RFX1: variants seen among roughly 807,000 people sequenced by gnomAD.
The protein encoded by RFX1 is MHC class II regulatory factor RFX1.
In RFX1, 42 loss-of-function variants were observed where a neutral mutation model predicts 119.6. The ratio of observed to expected loss-of-function variants is 0.35; its 90% CI spans 0.27 to 0.45. The LOEUF (loss-of-function observed/expected upper bound fraction) is 0.45, where lower values mean the gene tolerates loss of function less well. Among genes scored for constraint, RFX1 ranks in the 20% least tolerant of loss-of-function variants. The pLI, the probability that RFX1 is intolerant of heterozygous loss-of-function variation, is 1.00. For synonymous variants in RFX1, 628 were observed against 618.5 expected, an observed-to-expected ratio of 1.02 and a Z score of -0.23; for missense variants, 1,118 against 1,368.1, an observed-to-expected ratio of 0.82 and a Z score of 2.88.
chr19:13,974,383 G>C (rs922512974), intron 8 of RFX1, among the ~76,000 whole-genome samples: 7 of 152,190 alleles, frequency 4.6e-5, no homozygotes, highest in Admixed American at 3.9e-4. Context: ...CGGTGACACA[G>C]GCTTGAGGCT....
Position 13,963,206 on chromosome 19 carries a change from C to G in RFX1, c.2640G>C (p.Leu880=). The G allele has an allele frequency of 6.2e-7, 1 of 1,612,838 alleles. No individual in the cohort carries two copies. The highest frequency in any genetic ancestry group is 8.5e-7 in the Non-Finnish European group (1 of 1,179,480). The part of the protein sequence containing the change: ...ASFGSFHLIR[L]LYDEYMYYLI... ...GGTAGTACATGTACTCGTCGTAGAGCAGCCGGATGAGGTGGAAGGAACCGA... is the reference window on the plus strand; with the variant it reads ...GGTAGTACATGTACTCGTCGTAGAGGAGCCGGATGAGGTGGAAGGAACCGA... Residue 880 remains leucine (L), a synonymous_variant, in exon 19 of 21, where the codon CTG becomes CTC. Coordinates refer to ENST00000254325, the MANE Select transcript of RFX1 (RefSeq NM_002918.5).
chr19:13,975,451 G>C (rs1359680060), intron 8 of RFX1, among the ~76,000 whole-genome samples: 2 of 152,144 alleles, frequency 1.3e-5, no homozygotes, highest in Non-Finnish European at 2.9e-5. Flanking sequence ...GCAGGGGAGG[G>C]AGCCGCACAG....
intron 5 of RFX1, 28 bp downstream of exon 5, chr19:13,982,093 G>T (rs1599496422): frequency 6.0e-6 from 7 of 1,173,880 alleles, no homozygotes; most frequent in Non-Finnish European, 7.8e-6. Flanking sequence ...CAGCAGGGGG[G>T]AGGGCGGCCA....
chr19:13,965,102 G>T lies in RFX1; in HGVS notation c.2211+347C>A, dbSNP rs1568457515. The stretch of plus-strand genomic sequence containing the variant: ...ATTATGTTTCCTTATAGATGTTGTT[G>T]CCTTTCTTAAAAAGTTTTATCTGTT... On this transcript the variant is annotated intron_variant, in intron 16 of 20. Transcript: ENST00000254325. This position sits in a 1 kb window ranked among gnomAD's most constrained non-coding sequence, Gnocchi z 4.7. 6.6e-6 allele frequency among the ~76,000 whole-genome samples: 1 copy of T among 152,188 alleles called. No homozygotes were observed. The highest frequency in any genetic ancestry group is 1.5e-5 in the Non-Finnish European group (1 of 68,032).
At position 13,969,933 on chromosome 19, in the gene RFX1, G is replaced by A. The variant is rs977296330; in HGVS notation, c.1496+61C>T. 3.3e-6 allele frequency: 5 copies of A among 1,511,416 alleles called. No homozygotes were observed. In the African/African-American group the frequency reaches 6.9e-5, roughly 21 times the overall value. The allele number at this position is 1,511,416 out of a possible 1,614,324, so 93.6% of individuals were successfully genotyped here. On this transcript the variant is annotated intron_variant, in intron 10 of 20. Coordinates refer to ENST00000254325, the MANE Select transcript of RFX1 (RefSeq NM_002918.5). This position sits in a 1 kb window ranked among gnomAD's most constrained non-coding sequence, Gnocchi z 4.5. ...CTGCCTGAGATGACTCGGAGTGGGG[G>A]TGGGCCTTGGCATGCCCACCAATTC...
At chr19:13,994,671 C>T (rs1025312333) in intron 1 of RFX1, among the ~76,000 whole-genome samples, 1 of 150,566 alleles carries the variant, frequency 6.6e-6, no homozygotes, top group African/African-American at 2.4e-5. Flanking sequence ...GCCAAGATTG[C>T]ACCACTGTAC....
chr19:13,965,269 G>A lies in RFX1; in HGVS notation c.2211+180C>T, dbSNP rs2145534190. 6.6e-6 allele frequency among the ~76,000 whole-genome samples: 1 copy of A among 152,300 alleles called. No homozygotes were observed. Among genetic ancestry groups the A allele is most frequent in the Admixed American group, 6.5e-5 (1 of 15,300 alleles). Reference sequence around the variant, plus strand: ...TTGCATTTCAGAAGTGGGTGCCTGAGGACACTGGTTTATAAAGACAATGCC... The same window carrying A: ...TTGCATTTCAGAAGTGGGTGCCTGAAGACACTGGTTTATAAAGACAATGCC... On this transcript the variant is annotated intron_variant, in intron 16 of 20. Coordinates refer to ENST00000254325, the MANE Select transcript of RFX1 (RefSeq NM_002918.5). This position sits in a 1 kb window ranked among gnomAD's most constrained non-coding sequence, Gnocchi z 4.7.
chr19:13,980,731 T>TGCATCCTCTCTGGGGTGGACTC lies in RFX1; in HGVS notation c.622-43_622-42insGAGTCCACCCCAGAGAGGATGC. 1 of 1,201,554 alleles carries TGCATCCTCTCTGGGGTGGACTC rather than the reference T, an allele frequency of 8.3e-7. No homozygotes were observed. Among genetic ancestry groups the TGCATCCTCTCTGGGGTGGACTC allele is most frequent in the Non-Finnish European group, 1.2e-6 (1 of 842,376 alleles). 74.4% of individuals were successfully genotyped at this position (1,201,554 alleles called of 1,614,324 possible). A position where few individuals can be genotyped will look rare whatever the true frequency, so the allele number is the denominator to read the frequency against. On this transcript the variant is annotated intron_variant, in intron 5 of 20. Transcript: ENST00000254325. This position sits in a 1 kb window ranked among gnomAD's most constrained non-coding sequence, Gnocchi z 5.1. ...CACAGGAGTGCCGCTGGGGTGGGCTTGCATCCTCTCTGAGGTGGGCTCACA... is the reference window on the plus strand; with the variant it reads ...CACAGGAGTGCCGCTGGGGTGGGCTTGCATCCTCTCTGGGGTGGACTCGCATCCTCTCTGAGGTGGGCTCACA...
Position 13,980,538 on chromosome 19 carries a change from C to A in RFX1, c.738+35G>T. On this transcript the variant is annotated intron_variant, in intron 6 of 20. Transcript: ENST00000254325. The surrounding 1 kb of genome is among the most constrained non-coding windows in gnomAD (Gnocchi z 5.1). Reference sequence around the variant, plus strand: ...CTGCAGAGGCTGCCTGGCCGGTACCCCTGGACCGAGCCACTGCCCGCCTTG... The same window carrying A: ...CTGCAGAGGCTGCCTGGCCGGTACCACTGGACCGAGCCACTGCCCGCCTTG... 2 of 1,386,212 alleles carry A rather than the reference C, an allele frequency of 1.4e-6. No individual in the cohort carries two copies. Among genetic ancestry groups the A allele is most frequent in the East Asian group, 2.5e-5 (1 of 40,754 alleles). The allele number at this position is 1,386,212 out of a possible 1,614,324, so 85.9% of individuals were successfully genotyped here.
intron 1 of RFX1, among the ~76,000 whole-genome samples, chr19:13,999,023 T>C (rs1435388306): frequency 6.6e-6 from 1 of 152,174 alleles, no homozygotes; most frequent in Non-Finnish European, 1.5e-5. Context: ...CCAACTTCTC[T>C]ATTGGAGGCC....
Position 13,983,670 on chromosome 19 carries a change from G to A in RFX1, c.320-75C>T, listed in dbSNP as rs1974510115. Reference sequence around the variant, plus strand: ...GCCTAAGCCTGAGCCCCCCTGGAGGGGAAGATGCAGCCTGAAGCCAACCCC... The same window carrying A: ...GCCTAAGCCTGAGCCCCCCTGGAGGAGAAGATGCAGCCTGAAGCCAACCCC... On this transcript the variant is annotated intron_variant, in intron 2 of 20. Transcript: ENST00000254325. 3.1e-6 allele frequency: 4 copies of A among 1,282,378 alleles called. No homozygotes were observed. The Admixed American group carries it at 6.2e-5, about 20-fold the overall frequency. 79.4% of individuals were successfully genotyped at this position (1,282,378 alleles called of 1,614,324 possible).
intron 5 of RFX1, 55 bp downstream of exon 5, chr19:13,982,066 T>C (rs908406796): frequency 2.4e-5 from 22 of 916,450 alleles, no homozygotes; most frequent in Admixed American, 6.9e-5. Flanking sequence ...TGGGGATACA[T>C]TGCTGACCTC....
rs560290860 is a variant in RFX1 at position 13,986,121 on chromosome 19, G to A, written c.320-2526C>T. Among the ~76,000 whole-genome samples the A allele has an allele frequency of 4.6e-5, 7 of 152,292 alleles. No individual in the cohort carries two copies. Among genetic ancestry groups the A allele is most frequent in the African/African-American group, 1.4e-4 (6 of 41,566 alleles). On this transcript the variant is annotated intron_variant, in intron 2 of 20. Transcript: ENST00000254325. The surrounding 1 kb of genome is among the most constrained non-coding windows in gnomAD (Gnocchi z 4.2). ...CCTGGGAGAAACCCGAGACAGCCCC[G>A]AGTCATGTGACCGGCACTGCACACC...
chr19:13,968,807 G>A lies in RFX1; in HGVS notation c.1584C>T (p.Ala528=), dbSNP rs1019515286. 2 of 1,572,580 alleles carry A rather than the reference G, an allele frequency of 1.3e-6. No homozygotes were observed. Among genetic ancestry groups the A allele is most frequent in the African/African-American group, 2.7e-5 (2 of 74,044 alleles). Residue 528 remains alanine (A), a synonymous_variant, in exon 11 of 21, where the codon GCC becomes GCT. Transcript: ENST00000254325. The surrounding 1 kb of genome is among the most constrained non-coding windows in gnomAD (Gnocchi z 5.5). ...LRLMEDQQHM[A]MRGQPFSQKQ... ...TCTGCGAGAAGGGCTGGCCCCGCAT[G>A]GCCATGTGCTGCTGGTCCTCCATCA...
chr19:13,973,691 C>G (rs952840047), intron 8 of RFX1, among the ~76,000 whole-genome samples: 7 of 152,222 alleles, frequency 4.6e-5, no homozygotes, highest in Non-Finnish European at 8.8e-5. Context: ...AGTGCAGTGT[C>G]GCAATCTTGG....
chr19:13,968,867 G>A lies in RFX1; in HGVS notation c.1524C>T (p.Gly508=). 6.4e-7 allele frequency: 1 copy of A among 1,551,222 alleles called. No individual in the cohort carries two copies. Among genetic ancestry groups the A allele is most frequent in the Non-Finnish European group, 8.7e-7 (1 of 1,147,284 alleles). ...GGGGTGAGCTGGCCTTGATGCGCAG[G>A]CCATAGTAGTGGTACTTGGAGTTGC... ...TRGNSKYHYY[G]LRIKASSPLL... The change falls in exon 11 of 21, where the codon GGC becomes GGT. Residue 508 remains glycine, a synonymous_variant. Coordinates refer to ENST00000254325, the MANE Select transcript of RFX1 (RefSeq NM_002918.5). The surrounding 1 kb of genome is among the most constrained non-coding windows in gnomAD (Gnocchi z 5.5).
intron 1 of RFX1, among the ~76,000 whole-genome samples, chr19:14,005,172 A>G (rs1372002599): frequency 2.6e-5 from 4 of 152,200 alleles, no homozygotes; most frequent in Non-Finnish European, 5.9e-5. Context: ...TCAAACCAGG[A>G]AACATCAGGT....
chr19:14,004,054 A>C (rs1568486922), intron 1 of RFX1, among the ~76,000 whole-genome samples: 1 of 152,058 alleles, frequency 6.6e-6, no homozygotes, highest in Non-Finnish European at 1.5e-5. Flanking sequence ...GATTACAGGC[A>C]TGTGCCACCA....
chr19:13,994,889 CATACATATATATATATATATATATATAT>C (rs1206723704), intron 1 of RFX1, among the ~76,000 whole-genome samples: 6 of 64,040 alleles, frequency 9.4e-5, no homozygotes, highest in South Asian at 4.5e-4. Context: ...TTGAAATATA[CATACATATATATATATATATATATATAT>C]ATATATATAT....
Sources: allele counts gnomAD v4.1 joint callset (sites outside exome capture counted in the v4.1 genomes callset), GRCh38; gene constraint gnomAD v4.1.1; non-coding constraint Gnocchi (gnomAD v3.1); transcripts MANE v1.5; gene names NCBI Gene and HGNC (gene_info 2026-07-23, HGNC 2026-07-21).